RESF1: variants seen among roughly 807,000 people sequenced by gnomAD.
RESF1 encodes the protein gonad expressed transcript.
Under a neutral mutation model 134.7 loss-of-function variants are expected in RESF1, and 65 were observed. That is an observed-to-expected ratio of 0.48 (90% CI 0.40 to 0.59). The LOEUF is 0.59. RESF1 is among the 20% of genes least tolerant of loss of function. The probability of loss-of-function intolerance (pLI) is 0.00; values close to 1 mark genes in which losing one functional copy is unlikely to be tolerated. For synonymous variants in RESF1, 762 were observed against 702.2 expected, an observed-to-expected ratio of 1.09 and a Z score of -1.35; for missense variants, 2,274 against 2,002.7, an observed-to-expected ratio of 1.14 and a Z score of -2.59.
At chr12:31,991,038 C>G (rs995963652) in intron 5 of RESF1, among the ~76,000 whole-genome samples, 1 of 151,930 alleles carries the variant, frequency 6.6e-6, no homozygotes, top group Non-Finnish European at 1.5e-5. Context: ...CTACAAATAA[C>G]TTTTTAAAAA....
At position 31,983,434 on chromosome 12, in the gene RESF1, ACAT is replaced by A; in HGVS notation, c.2482_2484del (p.Ser828del). The A allele has an allele frequency of 6.2e-7, 1 of 1,614,072 alleles. No individual in the cohort carries two copies. The highest frequency in any genetic ancestry group is 1.1e-5 in the South Asian group (1 of 91,080). ...TAGTGGACCAGTAGCAAGTACAGCAACATCAACCAAGATTTTTCCACTAACTCA... is the reference window on the plus strand; with the variant it reads ...TAGTGGACCAGTAGCAAGTACAGCAACAACCAAGATTTTTCCACTAACTCA... On this transcript the variant is annotated inframe_deletion, in exon 4 of 6. Transcript: ENST00000312561.
chr12:31,985,534 T>C lies in RESF1; in HGVS notation c.4579T>C (p.Ser1527Pro). The change falls in exon 4 of 6, where the codon TCT becomes CCT. Residue 1527 changes from serine to proline, a missense_variant. Physicochemically the swap from Ser to Pro is moderately conservative, Grantham distance 74. Coordinates refer to ENST00000312561, the MANE Select transcript of RESF1 (RefSeq NM_018169.4). ...KNLKIHHSQE[S>P]KTYNILRNVK... ...CCTCAAAATCCACCATTCTCAGGAG[T>C]CTAAAACATACAACATTCTAAGGAA... 6.3e-7 allele frequency: 1 copy of C among 1,598,344 alleles called. No individual in the cohort carries two copies. Among genetic ancestry groups the C allele is most frequent in the Non-Finnish European group, 8.5e-7 (1 of 1,175,524 alleles).
chr12:31,990,861 A>T (rs1265107365), intron 5 of RESF1, among the ~76,000 whole-genome samples: 5 of 152,196 alleles, frequency 3.3e-5, no homozygotes, highest in Middle Eastern at 3.2e-3. Flanking sequence ...ACCAACTATG[A>T]AGTGAGAGAA....
chr12:31,976,889 G>C (rs1241660183), intron 3 of RESF1, among the ~76,000 whole-genome samples: 1 of 152,092 alleles, frequency 6.6e-6, no homozygotes, highest in African/African-American at 2.4e-5. Context: ...CCACGTTCAA[G>C]GATCAACTGT....
rs10771894 is a variant in RESF1 at position 31,982,009 on chromosome 12, A to T, written c.1054A>T (p.Ser352Cys). ...TACCAACAGCAAACAGCCTTTTAAC[A>T]GTCCCATTAGATCTTCTGTGGATGG... ...VNTNSKQPFNSPIRSSVDGVQ... is the reference protein window; with the variant it reads ...VNTNSKQPFNCPIRSSVDGVQ... Residue 352 changes from serine (S) to cysteine (C), a missense_variant, in exon 4 of 6, where the codon AGT becomes TGT. By Grantham distance (112) the Ser-to-Cys change is moderately radical (BLOSUM62 -1). Transcript: ENST00000312561. The T allele has an allele frequency of 6.2e-7, 1 of 1,613,868 alleles. No homozygotes were observed. The highest frequency in any genetic ancestry group is 8.5e-7 in the Non-Finnish European group (1 of 1,179,906).
At position 31,978,536 on chromosome 12, in the gene RESF1, G is replaced by GT. The variant is rs372896758; in HGVS notation, c.-78-2333dup. Among the ~76,000 whole-genome samples the GT allele has an allele frequency of 3.7e-4, 55 of 150,224 alleles. No homozygotes were observed. In the South Asian group the frequency reaches 5.5e-3, roughly 15 times the overall value. ...TTTTTTAAATATGTAGGTATTTGGG[G>GT]TTTTTTTTTGTTTTTTGTTTTTTGT... On this transcript the variant is annotated intron_variant, in intron 3 of 5. Transcript: ENST00000312561.
At chr12:31,978,712 ATTT>A (rs35842957) in intron 3 of RESF1, among the ~76,000 whole-genome samples, 11,496 of 121,756 alleles carry the variant, frequency 0.094, 537 homozygotes, top group Non-Finnish European at 0.13. Flanking sequence ...CACCCAGCTA[ATTT>A]TTTTTTTTTT....
chr12:31,986,684 A>G (rs991529381), intron 4 of RESF1, among the ~76,000 whole-genome samples: 23 of 152,218 alleles, frequency 1.5e-4, no homozygotes, highest in Non-Finnish European at 3.4e-4. Context: ...GAACATTTAG[A>G]CATAGTGGAT....
At position 31,993,072 on chromosome 12, in the gene RESF1, A is replaced by G. The variant is rs1940131858; in HGVS notation, c.*537A>G. 1 of 152,832 alleles carries G rather than the reference A, an allele frequency of 6.5e-6. No homozygotes were observed. Among genetic ancestry groups the G allele is most frequent in the South Asian group, 2.1e-4 (1 of 4,844 alleles). 9.5% of individuals were successfully genotyped at this position (152,832 alleles called of 1,614,324 possible). A position where few individuals can be genotyped will look rare whatever the true frequency, so the allele number is the denominator to read the frequency against. On this transcript the variant is annotated 3_prime_UTR_variant, in exon 6 of 6. Transcript: ENST00000312561. Reference sequence around the variant, plus strand: ...GGACAACGTTTAAACATTACTTTTCATACTTGAAATAAACATTTATTTTTT... The same window carrying G: ...GGACAACGTTTAAACATTACTTTTCGTACTTGAAATAAACATTTATTTTTT...
chr12:31,982,484 C>G lies in RESF1; in HGVS notation c.1529C>G (p.Ser510Cys), dbSNP rs370271482. The G allele has an allele frequency of 5.6e-6, 9 of 1,613,530 alleles. No homozygotes were observed. The highest frequency in any genetic ancestry group is 2.2e-5 in the East Asian group (1 of 44,886). Residue 510 changes from serine to cysteine, a missense_variant, in exon 4 of 6, where the codon TCT becomes TGT. By Grantham distance (112) the Ser-to-Cys change is moderately radical (BLOSUM62 -1). Transcript: ENST00000312561. ...VDSVLPNPVY[S>C]EKRPMPDSSH... ...TCTGTTTTACCAAATCCTGTCTATTCTGAAAAGCGGCCAATGCCAGACTCA... is the reference window on the plus strand; with the variant it reads ...TCTGTTTTACCAAATCCTGTCTATTGTGAAAAGCGGCCAATGCCAGACTCA...
At chr12:31,964,424 A>G (rs1419630328) in intron 2 of RESF1, among the ~76,000 whole-genome samples, 2 of 152,196 alleles carry the variant, frequency 1.3e-5, no homozygotes, top group African/African-American at 2.4e-5. Flanking sequence ...TGCTAAGGAT[A>G]ATGTCCTCTA....
chr12:31,966,625 A>G (rs1939402546), intron 2 of RESF1, among the ~76,000 whole-genome samples: 1 of 152,166 alleles, frequency 6.6e-6, no homozygotes, highest in Non-Finnish European at 1.5e-5. Context: ...TCCCTTTTTT[A>G]GGGAGAAAGC....
At chr12:31,987,451 T>C (rs1183706206) in intron 5 of RESF1, 129 bp downstream of exon 5, 1 of 594,952 alleles carries the variant, frequency 1.7e-6, no homozygotes, top group Non-Finnish European at 3.0e-6. Flanking sequence ...AGTCATTCAG[T>C]GTTTGTGTTT....
At position 31,985,812 on chromosome 12, in the gene RESF1, CT is replaced by C; in HGVS notation, c.4862del (p.Leu1621TyrfsTer3). ...DKRQENKHKT[F>X]LPVKGNTEKS... ...AGAGACAGGAAAATAAACATAAGAC[CT>C]TTTTACCGGTGAAAGGTAACACAGA... is the stretch of plus-strand genomic sequence containing the variant. On this transcript the variant is annotated frameshift_variant, in exon 4 of 6. Coordinates refer to ENST00000312561, the MANE Select transcript of RESF1 (RefSeq NM_018169.4). LOFTEE classifies it high-confidence loss of function. 6.4e-7 allele frequency: 1 copy of C among 1,566,650 alleles called. No individual in the cohort carries two copies. The highest frequency in any genetic ancestry group is 8.6e-7 in the Non-Finnish European group (1 of 1,164,606).
At chr12:31,967,423 A>G (rs765670343) in intron 2 of RESF1, among the ~76,000 whole-genome samples, 1 of 152,222 alleles carries the variant, frequency 6.6e-6, no homozygotes, top group Non-Finnish European at 1.5e-5. Flanking sequence ...AGTAGTACAG[A>G]TGTACCTCAG....
At chr12:31,965,033 T>C (rs1426835832) in intron 2 of RESF1, among the ~76,000 whole-genome samples, 1 of 152,196 alleles carries the variant, frequency 6.6e-6, no homozygotes, top group East Asian at 1.9e-4. Context: ...GGTGGTGTGA[T>C]CTTGGCTCAC....
At chr12:31,974,203 C>T (rs78374015) in intron 3 of RESF1, among the ~76,000 whole-genome samples, 10,226 of 151,802 alleles carry the variant, frequency 0.067, 494 homozygotes, top group South Asian at 0.14. Flanking sequence ...TTACCAGACA[C>T]TCCTGTTACT....
intron 3 of RESF1, among the ~76,000 whole-genome samples, 177 bp downstream of exon 3, chr12:31,970,533 T>C (rs554550624): frequency 1.5e-3 from 236 of 152,378 alleles, no homozygotes; most frequent in African/African-American, 5.3e-3. Flanking sequence ...TTTGATGCTC[T>C]TTTAGGTATT....
chr12:31,981,906 G>C lies in RESF1; in HGVS notation c.951G>C (p.Arg317Ser). The C allele has an allele frequency of 6.2e-7, 1 of 1,614,126 alleles. No individual in the cohort carries two copies. The highest frequency in any genetic ancestry group is 8.5e-7 in the Non-Finnish European group (1 of 1,180,022). The change falls in exon 4 of 6, where the codon AGG becomes AGC. Residue 317 changes from arginine to serine, a missense_variant. Physicochemically the swap from Arg to Ser is moderately radical, Grantham distance 110. Coordinates refer to ENST00000312561, the MANE Select transcript of RESF1 (RefSeq NM_018169.4). ...GAGAAATGCTGTCATCTGAAATAAG[G>C]ACCAGCTTTCAACAGCAGTGGCAAA... Reference protein sequence around the residue: ...QSREMLSSEIRTSFQQQWQNP... With the variant: ...QSREMLSSEISTSFQQQWQNP...
Sources: gnomAD v4.1 joint callset for allele counts (sites outside exome capture counted in the v4.1 genomes callset) on GRCh38, gnomAD v4.1.1 for gene constraint, MANE v1.5 for transcripts, NCBI Gene and HGNC (gene_info 2026-07-23, HGNC 2026-07-21) for gene names.